Variants in PRDM2 observed in about 807,000 individuals in gnomAD.
PRDM2 encodes the protein PR domain zinc finger protein 2.
In PRDM2, 30 loss-of-function variants were observed where a neutral mutation model predicts 130.0. The observed-to-expected ratio is 0.23, with a 90% CI of 0.17 to 0.31. The LOEUF (loss-of-function observed/expected upper bound fraction) is 0.31, where lower values mean the gene tolerates loss of function less well. Ranked by LOEUF, PRDM2 falls within the 10% of genes least tolerant of loss-of-function variation. PRDM2 has a pLI of 1.00. For synonymous variants in PRDM2, 871 were observed against 782.4 expected (o/e 1.11, Z -1.89); for missense variants, 2,011 against 2,108.4 (o/e 0.95, Z 0.90).
At chr1:13,722,995 A>G (rs1642783873) in intron 2 of PRDM2, 3 of 375,150 alleles carry the variant, frequency 8.0e-6, no homozygotes, top group South Asian at 2.0e-5. Context: ...CTCTGAATTG[A>G]GTCCAGCTCT....
chr1:13,783,802 T>C (rs1178674831), intron 8 of PRDM2, among the ~76,000 whole-genome samples: 1 of 152,226 alleles, frequency 6.6e-6, no homozygotes, highest in African/African-American at 2.4e-5. Flanking sequence ...CAAAATACTT[T>C]TAAGTCTTGT....
chr1:13,722,408 G>A (rs1273322037), intron 2 of PRDM2, among the ~76,000 whole-genome samples: 1 of 152,172 alleles, frequency 6.6e-6, no homozygotes, highest in African/African-American at 2.4e-5. Context: ...GTGAGGGTAG[G>A]AGGGGCCAGA....
chr1:13,705,164 TG>T (rs1407653082), intron 1 of PRDM2: 1 of 152,166 alleles, frequency 6.6e-6, no homozygotes, highest in Non-Finnish European at 1.5e-5. Flanking sequence ...TCGGCTATGG[TG>T]GGGGTAGGTA....
At chr1:13,760,854 TA>T (rs144432886) in intron 6 of PRDM2, among the ~76,000 whole-genome samples, 22,334 of 142,842 alleles carry the variant, frequency 0.16, 1,948 homozygotes, top group Non-Finnish European at 0.21. Context: ...GGCACACTTC[TA>T]AAAAAAAAAA....
At chr1:13,788,758 GAA>G (rs1379898646) in intron 8 of PRDM2, among the ~76,000 whole-genome samples, 1 of 152,218 alleles carries the variant, frequency 6.6e-6, no homozygotes, top group Non-Finnish European at 1.5e-5. Flanking sequence ...AGTGTTGTGA[GAA>G]AGAGCACGGT....
In PRDM2 at chr1:13,782,568, A is replaced by T. The variant is rs776719612; in HGVS notation, c.4773A>T (p.Lys1591Asn). Residue 1591 changes from lysine (K) to asparagine (N), a missense_variant, in exon 8 of 10, where the codon AAA (lysine) becomes AAT (asparagine). By Grantham distance (94) the Lys-to-Asn change is moderately conservative. This residue lies in a region of PRDM2 where 410 missense variants were observed against 395.9 expected (regional missense o/e 1.04). Coordinates refer to ENST00000311066, the MANE Select transcript of PRDM2 (RefSeq NM_001393986.1). ...MAKITHVEGK[K>N]PKAVAKNHSA... ...AAATAACTCATGTTGAGGGGAAAAA[A>T]CCTAAAGCTGTGGCCAAGAATCATT... 9.9e-6 allele frequency: 16 copies of T among 1,613,982 alleles called. No individual in the cohort carries two copies. Among genetic ancestry groups the T allele is most frequent in the Non-Finnish European group, 1.2e-5 (14 of 1,180,018 alleles).
At chr1:13,723,539 G>A (rs961460036) in intron 2 of PRDM2, among the ~76,000 whole-genome samples, 4 of 152,244 alleles carry the variant, frequency 2.6e-5, no homozygotes, top group Non-Finnish European at 4.4e-5. Context: ...GTTTGGCTCT[G>A]TTGACCACCC....
intron 8 of PRDM2, among the ~76,000 whole-genome samples, chr1:13,804,808 G>A (rs1645062870): frequency 6.6e-6 from 1 of 152,222 alleles, no homozygotes; most frequent in African/African-American, 2.4e-5. Flanking sequence ...CTCTGTTCCA[G>A]TGCCCTCTGA....
At chr1:13,733,435 G>T (rs950931744) in intron 4 of PRDM2, among the ~76,000 whole-genome samples, 1 of 152,246 alleles carries the variant, frequency 6.6e-6, no homozygotes, top group Non-Finnish European at 1.5e-5. Context: ...AGGAGAAGCA[G>T]TCAGGAGACA....
At chr1:13,765,568 C>T (rs977312494) in intron 6 of PRDM2, among the ~76,000 whole-genome samples, 2 of 151,936 alleles carry the variant, frequency 1.3e-5, no homozygotes, top group South Asian at 2.1e-4. Flanking sequence ...TGGGTTCAAG[C>T]GATTATCCTG....
intron 2 of PRDM2, chr1:13,717,533 T>C (rs897246053): frequency 1.5e-6 from 1 of 672,640 alleles, no homozygotes; most frequent in African/African-American, 2.0e-5. Flanking sequence ...GGATTAATTA[T>C]GCCTTAATTC....
At chr1:13,739,661 T>C (rs2100499895) in intron 4 of PRDM2, among the ~76,000 whole-genome samples, 1 of 152,338 alleles carries the variant, frequency 6.6e-6, no homozygotes, top group East Asian at 1.9e-4. Flanking sequence ...AAACCACACT[T>C]CTGTGAACAT....
At chr1:13,730,920 T>C in intron 2 of PRDM2, 80 bp from the exon 3 acceptor site, 1 of 1,055,786 alleles carries the variant, frequency 9.5e-7, no homozygotes, top group Non-Finnish European at 1.4e-6. Context: ...CATACTTGCT[T>C]ATTGAACCAG....
intron 8 of PRDM2, among the ~76,000 whole-genome samples, chr1:13,795,148 A>C (rs1361227228): frequency 6.6e-6 from 1 of 152,212 alleles, no homozygotes; most frequent in Non-Finnish European, 1.5e-5. Flanking sequence ...AGGTAAGTTA[A>C]GAAGAAAGCA....
intron 6 of PRDM2, among the ~76,000 whole-genome samples, chr1:13,763,570 C>T (rs1644154646): frequency 6.6e-6 from 1 of 152,120 alleles, no homozygotes; most frequent in Admixed American, 6.6e-5. Flanking sequence ...GTACTTTTTG[C>T]CATCTAGGCC....
At chr1:13,704,912 G>A (rs894049753) in intron 1 of PRDM2, 1 of 152,180 alleles carries the variant, frequency 6.6e-6, no homozygotes, top group African/African-American at 2.4e-5. Flanking sequence ...TAGGGACTTT[G>A]CTATAATTCT....
chr1:13,770,509 A>C (rs189706806), intron 6 of PRDM2, among the ~76,000 whole-genome samples: 1 of 152,108 alleles, frequency 6.6e-6, no homozygotes, highest in African/African-American at 2.4e-5. Context: ...GGGAGGTTGT[A>C]GAAAAATCTT....
Position 13,778,740 on chromosome 1 carries a change from G to C in PRDM2, c.945G>C (p.Lys315Asn). The change falls in exon 8 of 10, where the codon AAG becomes AAC. Residue 315 changes from lysine (K) to asparagine (N), a missense_variant. Lys to Asn is a moderately conservative substitution (Grantham distance 94). Coordinates refer to ENST00000311066, the MANE Select transcript of PRDM2 (RefSeq NM_001393986.1). ...AGCCAGAAATACGGTGTGATGAGAA[G>C]CCAGAAGATTTATTAGAGGAACCAA... ...VKEPEIRCDE[K>N]PEDLLEEPKT... 1 of 1,614,198 alleles carries C rather than the reference G, an allele frequency of 6.2e-7. No individual in the cohort carries two copies. The highest frequency in any genetic ancestry group is 1.1e-5 in the South Asian group (1 of 91,084).
At chr1:13,740,431 A>T (rs189997107) in intron 4 of PRDM2, among the ~76,000 whole-genome samples, 78 of 152,316 alleles carry the variant, frequency 5.1e-4, no homozygotes, top group Non-Finnish European at 1.0e-3. Flanking sequence ...ATGGGGTAAT[A>T]ATGTAAGTTA....
Sources: allele counts gnomAD v4.1 joint callset (sites outside exome capture counted in the v4.1 genomes callset), GRCh38; gene constraint gnomAD v4.1.1; regional missense constraint gnomAD v4.1.1; transcripts MANE v1.5; gene names NCBI Gene and HGNC (gene_info 2026-07-23, HGNC 2026-07-21).